Variants in ACCS observed in about 807,000 individuals in gnomAD.
ACCS encodes the protein 1-aminocyclopropane-1-carboxylate synthase homolog (inactive).
In ACCS, 42 loss-of-function variants were observed where a neutral mutation model predicts 59.8. That is an observed-to-expected ratio of 0.70 (90% CI 0.55 to 0.91). The LOEUF (loss-of-function observed/expected upper bound fraction) is 0.91. ACCS is among the 40% of genes least tolerant of loss of function. The probability of loss-of-function intolerance (pLI) is 0.00; values close to 1 mark genes in which losing one functional copy is unlikely to be tolerated. For synonymous variants in ACCS, 230 were observed against 240.3 expected (o/e 0.96, Z 0.40); for missense variants, 602 against 630.4 (o/e 0.95, Z 0.48).
At chr11:44,081,404 C>G in intron 12 of ACCS, 84 bp downstream of exon 12, 1 of 1,559,316 alleles carries the variant, frequency 6.4e-7, no homozygotes, top group Non-Finnish European at 8.7e-7. Flanking sequence ...GATACTTCTC[C>G]TATGAGAATA....
chr11:44,073,321 G>A, intron 3 of ACCS, 126 bp from the exon 4 acceptor site: 1 of 801,634 alleles, frequency 1.2e-6, no homozygotes, highest in Non-Finnish European at 2.1e-6. Flanking sequence ...TGAGAAAGCT[G>A]TCACTCTCTG....
chr11:44,075,663 C>A, intron 6 of ACCS, 71 bp downstream of exon 6: 1 of 1,550,048 alleles, frequency 6.5e-7, no homozygotes, highest in Non-Finnish European at 8.9e-7. Context: ...GTTGCCTGGC[C>A]TCAAGGGCTG....
intron 9 of ACCS, 178 bp downstream of exon 9, chr11:44,078,962 T>C: frequency 1.7e-6 from 1 of 595,714 alleles, no homozygotes; most frequent in Non-Finnish European, 3.0e-6. Context: ...CTCTTTATCT[T>C]TCACTCTTTA....
chr11:44,077,171 C>A, intron 6 of ACCS, 108 bp from the exon 7 acceptor site: 1 of 1,251,538 alleles, frequency 8.0e-7, no homozygotes, highest in Non-Finnish European at 1.1e-6. Context: ...ATGCCCCAAA[C>A]GGTCCCCAAA....
At chr11:44,073,681 A>G (rs745689201) in intron 4 of ACCS, 164 bp downstream of exon 4, 16 of 675,090 alleles carry the variant, frequency 2.4e-5, no homozygotes, top group South Asian at 4.0e-5. Flanking sequence ...AGCCCCCACA[A>G]TGAAGAATGA....
At chr11:44,079,854 T>A (rs775723902) in intron 10 of ACCS, among the ~76,000 whole-genome samples, 1 of 152,212 alleles carries the variant, frequency 6.6e-6, no homozygotes, top group African/African-American at 2.4e-5. Context: ...CAGGATCCCT[T>A]AAGTTAGGGC....
intron 8 of ACCS, 156 bp downstream of exon 8, chr11:44,078,078 C>T: frequency 1.0e-6 from 1 of 971,386 alleles, no homozygotes; most frequent in South Asian, 1.9e-5. Context: ...TTCTGGGAGT[C>T]AGGCAGAACC....
rs556025631 is a variant in ACCS at position 44,083,144 on chromosome 11, C to A, written c.1112-25C>A. On this transcript the variant is annotated intron_variant, in intron 12 of 14. Coordinates refer to ENST00000263776, the MANE Select transcript of ACCS (RefSeq NM_032592.4). ...AGTAGAGGGTTGATGGGATATTGAT[C>A]TTCTGGCCTCTTTCACCCAAACAGA... 2.4e-5 allele frequency: 36 copies of A among 1,530,974 alleles called. No individual in the cohort carries two copies. The African/African-American group carries it at 5.7e-4, about 24-fold the overall frequency. The allele number at this position is 1,530,974 out of a possible 1,614,324, so 94.8% of individuals were successfully genotyped here.
Position 44,083,467 on chromosome 11 carries a change from GC to G in ACCS, c.1300del (p.Arg434AlafsTer94), listed in dbSNP as rs1320887103. On this transcript the variant is annotated frameshift_variant, in exon 14 of 15. Transcript: ENST00000263776. LOFTEE classifies it high-confidence loss of function. ...TTTGAGGAGGAAATGCTGCTCTGGC[GC>G]CGCTTTTTGGACAACAAGGTGCTGC... Reference protein sequence around the residue: ...GTFEEEMLLWRRFLDNKVLLS... With the variant: ...GTFEEEMLLWXRFLDNKVLLS... The G allele has an allele frequency of 6.2e-7, 1 of 1,614,088 alleles. No homozygotes were observed. Among genetic ancestry groups the G allele is most frequent in the Non-Finnish European group, 8.5e-7 (1 of 1,180,036 alleles).
intron 2 of ACCS, 79 bp from the exon 3 acceptor site, chr11:44,071,177 C>T: frequency 6.7e-7 from 1 of 1,494,138 alleles, no homozygotes; most frequent in South Asian, 1.1e-5. Context: ...CTTTGCTTTG[C>T]TGCCTCCATG....
chr11:44,075,797 C>T, intron 6 of ACCS: 1 of 569,442 alleles, frequency 1.8e-6, no homozygotes, highest in Non-Finnish European at 3.1e-6. Context: ...GGGTCCTGGG[C>T]TTTCTCTCTG....
At chr11:44,074,326 G>A (rs1049138160) in intron 4 of ACCS, among the ~76,000 whole-genome samples, 1 of 152,108 alleles carries the variant, frequency 6.6e-6, no homozygotes, top group Non-Finnish European at 1.5e-5. Flanking sequence ...TGTTGTTGTA[G>A]TAATAATGTT....
In ACCS at chr11:44,078,672, G is replaced by A. The variant is rs368034072; in HGVS notation, c.733-12G>A. 25 of 1,613,382 alleles carry A rather than the reference G, an allele frequency of 1.5e-5. No homozygotes were observed. Among genetic ancestry groups the A allele is most frequent in the African/African-American group, 2.7e-5 (2 of 74,866 alleles). ...AGAGCTGAGGGTCTCCTGCCCTAACGGATGGTTTCAGGGTGTGAAGGTCAA... is the reference window on the plus strand; with the variant it reads ...AGAGCTGAGGGTCTCCTGCCCTAACAGATGGTTTCAGGGTGTGAAGGTCAA... On this transcript the variant is annotated splice_polypyrimidine_tract_variant and intron_variant, in intron 8 of 14. Transcript: ENST00000263776.
chr11:44,079,454 T>A, intron 9 of ACCS, 77 bp from the exon 10 acceptor site: 1 of 1,239,098 alleles, frequency 8.1e-7, no homozygotes, highest in Non-Finnish European at 1.2e-6. Flanking sequence ...GGATTTCTGA[T>A]GTATTACCTC....
At chr11:44,075,226 C>T (rs1953296883) in intron 5 of ACCS, among the ~76,000 whole-genome samples, 1 of 152,174 alleles carries the variant, frequency 6.6e-6, no homozygotes, top group South Asian at 2.1e-4. Context: ...ATACCTTCTC[C>T]CTCCTCGATG....
rs1457393927 is a variant in ACCS at position 44,078,765 on chromosome 11, T to C, written c.814T>C (p.Tyr272His). The C allele has an allele frequency of 1.2e-6, 2 of 1,613,630 alleles. No individual in the cohort carries two copies. The highest frequency in any genetic ancestry group is 2.2e-5 in the South Asian group (2 of 91,040). ...DVYSPEELQE[Y>H]LVFAKRHRLH... ...ATACTCCCCTGAAGAGCTACAGGAG[T>C]ACCTGGTATTTGCCAAGAGGTGAGG... The change falls in exon 9 of 15, where the codon TAC (tyrosine) becomes CAC (histidine). Residue 272 changes from tyrosine to histidine, a missense_variant. Physicochemically the swap from Tyr to His is moderately conservative, Grantham distance 83. Coordinates refer to ENST00000263776, the MANE Select transcript of ACCS (RefSeq NM_032592.4).
In ACCS at chr11:44,083,467, G is replaced by A. The variant is rs372547657; in HGVS notation, c.1298G>A (p.Arg433His). 6.3e-5 allele frequency: 101 copies of A among 1,614,206 alleles called. No homozygotes were observed. The highest frequency in any genetic ancestry group is 1.6e-4 in the Middle Eastern group (1 of 6,062). ...GTFEEEMLLW[R>H]RFLDNKVLLS... is the part of the protein sequence containing the mutation. The stretch of plus-strand genomic sequence containing the variant: ...TTTGAGGAGGAAATGCTGCTCTGGC[G>A]CCGCTTTTTGGACAACAAGGTGCTG... The change falls in exon 14 of 15, where the codon CGC (arginine) becomes CAC (histidine). Residue 433 changes from arginine (R) to histidine (H), a missense_variant. Coordinates refer to ENST00000263776, the MANE Select transcript of ACCS (RefSeq NM_032592.4).
chr11:44,077,519 C>T, intron 7 of ACCS, 143 bp downstream of exon 7: 4 of 1,469,580 alleles, frequency 2.7e-6, no homozygotes, highest in Non-Finnish European at 2.7e-6. Context: ...GCATGGCTGC[C>T]TGTGCCTGGG....
intron 6 of ACCS, among the ~76,000 whole-genome samples, chr11:44,076,192 GC>G (rs1445786526): frequency 6.6e-6 from 1 of 152,194 alleles, no homozygotes; most frequent in Non-Finnish European, 1.5e-5. Flanking sequence ...AGCCAGCATT[GC>G]CTGCTGCAAG....
Sources: allele counts gnomAD v4.1 joint callset (sites outside exome capture counted in the v4.1 genomes callset), GRCh38; gene constraint gnomAD v4.1.1; transcripts MANE v1.5; gene names NCBI Gene and HGNC (gene_info 2026-07-23, HGNC 2026-07-21).